Variants in PARD3B observed in about 807,000 individuals in gnomAD.
PARD3B encodes the protein partitioning defective 3 homolog B.
Under a neutral mutation model 130.2 loss-of-function variants are expected in PARD3B, and 103 were observed. The observed-to-expected ratio is 0.79, with a 90% CI of 0.67 to 0.93. The LOEUF is 0.93. PARD3B is among the 40% of genes least tolerant of loss of function. PARD3B has a pLI of 0.00. For missense variants in PARD3B, 1,609 were observed against 1,499.2 expected (o/e 1.07, Z -1.21); for synonymous variants, 583 against 553.2 (o/e 1.05, Z -0.76).
intron 3 of PARD3B, among the ~76,000 whole-genome samples, chr2:205,018,740 A>AAAAAAAAAAAAAAAAAAAAAAAAC (rs1469224613): frequency 6.7e-6 from 1 of 149,218 alleles, no homozygotes; most frequent in African/African-American, 2.5e-5. Context: ...AAAAAAAAAA[A>AAAAAAAAAAAAAAAAAAAAAAAAC]AAAAAAAAAA....
At chr2:205,150,218 T>C (rs1011308010) in intron 10 of PARD3B, among the ~76,000 whole-genome samples, 19 of 111,766 alleles carry the variant, frequency 1.7e-4, no homozygotes, top group African/African-American at 6.4e-4. Context: ...GCTCTGTGTG[T>C]GTGTGTGTGT....
At chr2:204,756,862 C>G (rs935163726) in intron 2 of PARD3B, among the ~76,000 whole-genome samples, 1 of 152,116 alleles carries the variant, frequency 6.6e-6, no homozygotes, top group East Asian at 1.9e-4. Context: ...TCCCATCACA[C>G]AAGTAGTGAA....
chr2:204,733,002 T>C (rs536050733), intron 2 of PARD3B, among the ~76,000 whole-genome samples: 3 of 152,094 alleles, frequency 2.0e-5, no homozygotes, highest in Non-Finnish European at 2.9e-5. Context: ...GCTTTTTTTT[T>C]ACTTGATAAA....
rs1163784659 is a variant in PARD3B, at chr2:205,585,755, C to T, written c.3261-29701C>T. Among the ~76,000 whole-genome samples, 1 of 152,162 alleles carries T rather than the reference C, an allele frequency of 6.6e-6. No individual in the cohort carries two copies. Among genetic ancestry groups the T allele is most frequent in the Non-Finnish European group, 1.5e-5 (1 of 68,040 alleles). On this transcript the variant is annotated intron_variant, in intron 22 of 22. Coordinates refer to ENST00000406610, the MANE Select transcript of PARD3B (RefSeq NM_001302769.2). The surrounding 1 kb of genome is among the most constrained non-coding windows in gnomAD (Gnocchi z 5.4). The stretch of plus-strand genomic sequence containing the variant: ...GTGGGGAATCAGGAGTCAGCTGTTT[C>T]TCCCCCACCACATTTCAGGAAGGGC...
At chr2:204,572,974 T>A (rs2032079740) in intron 1 of PARD3B, among the ~76,000 whole-genome samples, 1 of 152,202 alleles carries the variant, frequency 6.6e-6, no homozygotes, top group Admixed American at 6.5e-5. Flanking sequence ...CTGGAAGAGA[T>A]GAAACTTGAC....
intron 18 of PARD3B, among the ~76,000 whole-genome samples, chr2:205,330,646 A>C (rs1043400401): frequency 5.1e-4 from 77 of 152,288 alleles, no homozygotes; most frequent in African/African-American, 1.8e-3. Context: ...TGTCATTTAA[A>C]AGAGTATGAT....
At chr2:205,491,717 A>C (rs893816033) in intron 20 of PARD3B, among the ~76,000 whole-genome samples, 12 of 152,166 alleles carry the variant, frequency 7.9e-5, no homozygotes, top group Non-Finnish European at 1.5e-5. Flanking sequence ...TCAAAGGATC[A>C]GTTTACCAAG....
intron 2 of PARD3B, among the ~76,000 whole-genome samples, chr2:204,905,993 C>T (rs1043268923): frequency 9.2e-5 from 14 of 152,082 alleles, no homozygotes; most frequent in South Asian, 6.2e-4. Context: ...GTTGAAAATC[C>T]GGATTTGGAA....
At chr2:205,193,795 A>G (rs1203764149) in intron 15 of PARD3B, among the ~76,000 whole-genome samples, 2 of 152,192 alleles carry the variant, frequency 1.3e-5, no homozygotes, top group Non-Finnish European at 2.9e-5. Flanking sequence ...GCATCAGTGC[A>G]GAAGATTCAG....
intron 2 of PARD3B, among the ~76,000 whole-genome samples, chr2:204,779,015 G>A (rs1384765986): frequency 1.3e-5 from 2 of 152,044 alleles, no homozygotes; most frequent in Non-Finnish European, 2.9e-5. Context: ...GTGTACATGG[G>A]GCTCTAGCAG....
At chr2:204,714,050 C>A (rs901300688) in intron 2 of PARD3B, among the ~76,000 whole-genome samples, 1 of 152,160 alleles carries the variant, frequency 6.6e-6, no homozygotes, top group African/African-American at 2.4e-5. Flanking sequence ...TTTAAACCCA[C>A]CCTTCTGTAT....
intron 2 of PARD3B, among the ~76,000 whole-genome samples, chr2:204,743,322 TC>T (rs1052844554): frequency 1.9e-4 from 29 of 152,278 alleles, no homozygotes; most frequent in African/African-American, 6.7e-4. Flanking sequence ...TCTTTTGAAA[TC>T]CTTAATTGCA....
chr2:205,107,581 CTG>C (rs753884671), intron 5 of PARD3B, among the ~76,000 whole-genome samples: 9 of 152,204 alleles, frequency 5.9e-5, no homozygotes, highest in Non-Finnish European at 1.3e-4. Flanking sequence ...CCAAGCAAGA[CTG>C]TGAATCCTCC....
intron 18 of PARD3B, among the ~76,000 whole-genome samples, chr2:205,311,565 C>T (rs951093529): frequency 1.3e-5 from 2 of 152,156 alleles, no homozygotes; most frequent in Non-Finnish European, 2.9e-5. Flanking sequence ...AAGCAAGATA[C>T]GTTTGGAACC....
rs1385503289 is a variant in PARD3B, at chr2:205,011,898, T to C, written c.395-35683T>C. Among the ~76,000 whole-genome samples the C allele has an allele frequency of 6.6e-6, 1 of 152,068 alleles. No homozygotes were observed. Among genetic ancestry groups the C allele is most frequent in the Non-Finnish European group, 1.5e-5 (1 of 68,008 alleles). On this transcript the variant is annotated intron_variant, in intron 3 of 22. Transcript: ENST00000406610. This position sits in a 1 kb window ranked among gnomAD's most constrained non-coding sequence, Gnocchi z 4.1. ...CCTACCCAGAAAATGCAACTCTGAT[T>C]TGTACAAGGAGGAGAGAAGAGAATG...
At position 204,940,786 on chromosome 2, in the gene PARD3B, A is replaced by G. The variant is rs7559365; in HGVS notation, c.223-24366A>G. On this transcript the variant is annotated intron_variant, in intron 2 of 22. Transcript: ENST00000406610. The stretch of plus-strand genomic sequence containing the variant: ...TAGTTGACATTCCAATGACACCATC[A>G]TCATGTATTCTAGGAGTACCCCTGC... Among the ~76,000 whole-genome samples, 585 of 152,246 alleles carry G rather than the reference A, an allele frequency of 3.8e-3. 3 individuals are homozygous for G. Among genetic ancestry groups the G allele is most frequent in the African/African-American group, 0.013 (545 of 41,546 alleles).
At position 204,998,459 on chromosome 2, in the gene PARD3B, T is replaced by TTATATATGTATATATATGTG. The variant is rs1454542257; in HGVS notation, c.394+33143_394+33162dup. Among the ~76,000 whole-genome samples the TTATATATGTATATATATGTG allele has an allele frequency of 4.4e-3, 364 of 82,392 alleles. 21 individuals carry two copies. Among genetic ancestry groups the TTATATATGTATATATATGTG allele is most frequent in the African/African-American group, 0.016 (317 of 20,328 alleles). The allele number at this position is 82,392 out of a possible 152,430, so 54.1% of individuals were successfully genotyped here. A position where few individuals can be genotyped will look rare whatever the true frequency, so the allele number is the denominator to read the frequency against. On this transcript the variant is annotated intron_variant, in intron 3 of 22. Coordinates refer to ENST00000406610, the MANE Select transcript of PARD3B (RefSeq NM_001302769.2). ...ATGTGTGTGTATATATATGTGTATA[T>TTATATATGTATATATATGTG]TATATATGTATATATATGTGTATAT...
intron 3 of PARD3B, among the ~76,000 whole-genome samples, chr2:204,982,161 A>G (rs1396403657): frequency 6.6e-6 from 1 of 152,112 alleles, no homozygotes; most frequent in Non-Finnish European, 1.5e-5. Flanking sequence ...TGTTTTGAAA[A>G]TCACATTTTA....
At chr2:204,989,414 C>G (rs1693449758) in intron 3 of PARD3B, among the ~76,000 whole-genome samples, 1 of 151,984 alleles carries the variant, frequency 6.6e-6, no homozygotes, top group African/African-American at 2.4e-5. Flanking sequence ...TTACTAGAGG[C>G]CAGCGAAAGG....
Sources: allele counts gnomAD v4.1 joint callset (sites outside exome capture counted in the v4.1 genomes callset), GRCh38; gene constraint gnomAD v4.1.1; non-coding constraint Gnocchi (gnomAD v3.1); transcripts MANE v1.5; gene names NCBI Gene and HGNC (gene_info 2026-07-23, HGNC 2026-07-21).